Variants in FBF1 observed in about 807,000 individuals in gnomAD.
FBF1 encodes fas-binding factor 1.
A neutral mutation model predicts 147.2 loss-of-function variants in FBF1; 119 were observed. The observed-to-expected ratio is 0.81, with a 90% confidence interval of 0.70 to 0.94. FBF1 has a LOEUF of 0.94. Ranked by LOEUF, FBF1 falls within the 40% of genes least tolerant of loss-of-function variation. The pLI is 0.00. For synonymous variants in FBF1, 601 were observed against 609.0 expected (o/e 0.99, Z 0.19); for missense variants, 1,449 against 1,500.8 (o/e 0.97, Z 0.57).
chr17:75,939,084 T>C (rs1279870673), intron 1 of FBF1, among the ~76,000 whole-genome samples: 3 of 151,732 alleles, frequency 2.0e-5, no homozygotes, highest in Admixed American at 6.6e-5. Flanking sequence ...TCATTTGAGG[T>C]CAGGAGTTCA....
At chr17:75,930,196 C>T in intron 6 of FBF1, 149 bp from the exon 7 acceptor site, 2 of 620,270 alleles carry the variant, frequency 3.2e-6, no homozygotes, top group Admixed American at 5.5e-5. Flanking sequence ...AGGAGGGTGG[C>T]TTTGTTCCCC....
chr17:75,927,319 C>A, intron 9 of FBF1, 136 bp downstream of exon 9: 1 of 698,990 alleles, frequency 1.4e-6, no homozygotes, highest in South Asian at 1.9e-5. Flanking sequence ...CTGGTCCCGA[C>A]ATGAATTCAC....
rs369282113 is a variant in FBF1 at position 75,926,076 on chromosome 17, C to A, written c.822G>T (p.Gly274=). Reference sequence around the variant, plus strand: ...TGTCTAGCTTGAACTCCCTGTGCTCCCCGGTGCCCGGGCGGGCCAGGAGTT... The same window carrying A: ...TGTCTAGCTTGAACTCCCTGTGCTCACCGGTGCCCGGGCGGGCCAGGAGTT... ...ATKLLARPGT[G]EHREFKLDKK... The change falls in exon 12 of 30, where the codon GGG becomes GGT. Residue 274 remains glycine (G), a synonymous_variant. Transcript: ENST00000636174. 83 of 1,612,622 alleles carry A rather than the reference C, an allele frequency of 5.1e-5. No individual in the cohort carries two copies. The African/African-American group carries it at 7.3e-4, about 14-fold the overall frequency.
rs866702859 is a variant in FBF1, at chr17:75,922,697, A to G, written c.1424+489T>C. Among the ~76,000 whole-genome samples, 13 of 152,080 alleles carry G rather than the reference A, an allele frequency of 8.5e-5. No homozygotes were observed. The highest frequency in any genetic ancestry group is 2.7e-4 in the African/African-American group (11 of 41,466). On this transcript the variant is annotated intron_variant, in intron 14 of 29. Coordinates refer to ENST00000636174, the MANE Select transcript of FBF1 (RefSeq NM_001319193.2). The surrounding 1 kb of genome is among the most constrained non-coding windows in gnomAD (Gnocchi z 5.0). Reference sequence around the variant, plus strand: ...CAGAGGTCACTCGCTATCCTGCCCCACGGATAAGGGCTTCTCCAAGAGGCG... The same window carrying G: ...CAGAGGTCACTCGCTATCCTGCCCCGCGGATAAGGGCTTCTCCAAGAGGCG...
Position 75,918,416 on chromosome 17 carries a change from G to T in FBF1, c.2139-147C>A. On this transcript the variant is annotated intron_variant, in intron 20 of 29. Transcript: ENST00000636174. This position sits in a 1 kb window ranked among gnomAD's most constrained non-coding sequence, Gnocchi z 5.8. ...CTGCCTCAGTTTCCCCAGCTCCTCT[G>T]TCTTATCTGTCATGGTGCCTCAATG... is the stretch of plus-strand genomic sequence containing the variant. The T allele has an allele frequency of 1.6e-6, 1 of 622,498 alleles. No individual in the cohort carries two copies. 38.6% of individuals were successfully genotyped at this position (622,498 alleles called of 1,614,324 possible).
Position 75,922,097 on chromosome 17 carries a change from C to A in FBF1, c.1425-51G>T. 6.7e-7 allele frequency: 1 copy of A among 1,496,468 alleles called. No homozygotes were observed. Among genetic ancestry groups the A allele is most frequent in the Non-Finnish European group, 9.1e-7 (1 of 1,098,708 alleles). 92.7% of individuals were successfully genotyped at this position (1,496,468 alleles called of 1,614,324 possible). ...AAGGTGACAGAAGGCCCAGGTCAGGCTGGATGAAGACAGGGCCCAGGACGG... is the reference window on the plus strand; with the variant it reads ...AAGGTGACAGAAGGCCCAGGTCAGGATGGATGAAGACAGGGCCCAGGACGG... On this transcript the variant is annotated intron_variant, in intron 14 of 29. Transcript: ENST00000636174. The surrounding 1 kb of genome is among the most constrained non-coding windows in gnomAD (Gnocchi z 5.0).
rs202031341 is a variant in FBF1, at chr17:75,936,685, AC to A, written c.31+880del. ...GCAAGACTCCGTCTTAAAAAAAAAA[AC>A]AAAAAAACACAACTATCTGAAAGGA... On this transcript the variant is annotated intron_variant, in intron 3 of 29. Coordinates refer to ENST00000636174, the MANE Select transcript of FBF1 (RefSeq NM_001319193.2). 5.8e-3 allele frequency among the ~76,000 whole-genome samples: 878 copies of A among 152,136 alleles called. 11 individuals carry two copies. Among genetic ancestry groups the A allele is most frequent in the African/African-American group, 0.02 (820 of 41,490 alleles).
In FBF1 at chr17:75,918,330, T is replaced by C. The variant is rs2144161620; in HGVS notation, c.2139-61A>G. The C allele has an allele frequency of 3.5e-6, 5 of 1,417,574 alleles. No homozygotes were observed. Among genetic ancestry groups the C allele is most frequent in the Admixed American group, 2.0e-5 (1 of 50,978 alleles). The allele number at this position is 1,417,574 out of a possible 1,614,324, so 87.8% of individuals were successfully genotyped here. On this transcript the variant is annotated intron_variant, in intron 20 of 29. Transcript: ENST00000636174. This position sits in a 1 kb window ranked among gnomAD's most constrained non-coding sequence, Gnocchi z 5.8. ...AGCTGGATCACCCTGATGCGGTAAC[T>C]CCTTGTGGAAGGGTGTGTTTCCGTG...
chr17:75,919,885 A>C lies in FBF1; in HGVS notation c.1932-11T>G. On this transcript the variant is annotated splice_polypyrimidine_tract_variant and intron_variant, in intron 19 of 29. Coordinates refer to ENST00000636174, the MANE Select transcript of FBF1 (RefSeq NM_001319193.2). The surrounding 1 kb of genome is among the most constrained non-coding windows in gnomAD (Gnocchi z 5.0). ...ACCTTGATGCGGCTTCTGCCAACAG[A>C]ACACCCAGCCATGGCGCAAGGAAGG... 1.9e-6 allele frequency: 3 copies of C among 1,613,572 alleles called. No homozygotes were observed. Among genetic ancestry groups the C allele is most frequent in the Non-Finnish European group, 2.5e-6 (3 of 1,179,868 alleles).
In FBF1 at chr17:75,917,990, T is replaced by C; in HGVS notation, c.2327A>G (p.His776Arg). ...HELSSRVEAS[H>R]LTTSQERELG... Reference sequence around the variant, plus strand: ...CTCCCGCTCCTGGGAGGTGGTGAGGTGCGAGGCCTCCACGCGGGAGGACAA... The same window carrying C: ...CTCCCGCTCCTGGGAGGTGGTGAGGCGCGAGGCCTCCACGCGGGAGGACAA... The change falls in exon 22 of 30, where the codon CAC (histidine) becomes CGC (arginine). Residue 776 changes from histidine to arginine, a missense_variant. Physicochemically the swap from His to Arg is conservative, Grantham distance 29. Transcript: ENST00000636174. 1.2e-6 allele frequency: 2 copies of C among 1,611,520 alleles called. No homozygotes were observed. The highest frequency in any genetic ancestry group is 1.7e-6 in the Non-Finnish European group (2 of 1,178,676).
At chr17:75,938,797 C>T (rs989914580) in intron 1 of FBF1, among the ~76,000 whole-genome samples, 8 of 149,642 alleles carry the variant, frequency 5.3e-5, no homozygotes, top group African/African-American at 7.4e-5. Context: ...ACCCGCTAGA[C>T]GGAGGTTGCA....
intron 7 of FBF1, 34 bp downstream of exon 7, chr17:75,929,963 C>CCCCCCCCCCA: frequency 7.2e-7 from 1 of 1,393,458 alleles, no homozygotes; most frequent in Non-Finnish European, 9.9e-7. Flanking sequence ...CCACCCACCC[C>CCCCCCCCCCA]CAGTTCTAAG....
At chr17:75,937,879 C>T (rs900724199) in intron 2 of FBF1, 17 of 627,294 alleles carry the variant, frequency 2.7e-5, no homozygotes, top group Non-Finnish European at 3.1e-5. Context: ...GTCATGTGAC[C>T]GGAAATGTCT....
Position 75,915,155 on chromosome 17 carries a change from C to T in FBF1, c.2506-16G>A, listed in dbSNP as rs375700878. 1 of 1,604,616 alleles carries T rather than the reference C, an allele frequency of 6.2e-7. No homozygotes were observed. The highest frequency in any genetic ancestry group is 8.5e-7 in the Non-Finnish European group (1 of 1,178,464). On this transcript the variant is annotated splice_polypyrimidine_tract_variant and intron_variant, in intron 23 of 29. Transcript: ENST00000636174. ...GCCAGCGTTCCTGTAGGGCCCAGGG[C>T]AGGACTGAGAGCGTGGTTCCCGCCC...
rs762976258 is a variant in FBF1, at chr17:75,914,784, T to G, written c.2777A>C (p.Asp926Ala). The change falls in exon 25 of 30, where the codon GAC becomes GCC. Residue 926 changes from aspartate (D) to alanine (A), a missense_variant. By Grantham distance (126) the Asp-to-Ala change is moderately radical. Transcript: ENST00000636174. ...EREAERALQVDTQREGTLISL... is the reference protein window; with the variant it reads ...EREAERALQVATQREGTLISL... ...GATGAGGGTGCCCTCCCGCTGGGTG[T>G]CCACCTGCAATGCCCGCTCGGCCTC... 2 of 1,595,412 alleles carry G rather than the reference T, an allele frequency of 1.3e-6. No homozygotes were observed. The highest frequency in any genetic ancestry group is 1.7e-6 in the Non-Finnish European group (2 of 1,172,074).
rs1446500599 is a variant in FBF1 at position 75,922,144 on chromosome 17, G to GC, written c.1425-99dup. The GC allele has an allele frequency of 6.0e-6, 6 of 1,003,000 alleles. No individual in the cohort carries two copies. Among genetic ancestry groups the GC allele is most frequent in the East Asian group, 2.7e-5 (1 of 37,460 alleles). The allele number at this position is 1,003,000 out of a possible 1,614,324, so 62.1% of individuals were successfully genotyped here. A position where few individuals can be genotyped will look rare whatever the true frequency, so the allele number is the denominator to read the frequency against. On this transcript the variant is annotated intron_variant, in intron 14 of 29. Transcript: ENST00000636174. The surrounding 1 kb of genome is among the most constrained non-coding windows in gnomAD (Gnocchi z 5.0). ...ACGGGCTTCACACGTGAAGCTCGTG[G>GC]CCCCCCTTCCTCCTGCTTCCACCAT...
At position 75,919,959 on chromosome 17, in the gene FBF1, G is replaced by A; in HGVS notation, c.1931+48C>T. The A allele has an allele frequency of 6.2e-7, 1 of 1,609,744 alleles. No individual in the cohort carries two copies. Among genetic ancestry groups the A allele is most frequent in the Non-Finnish European group, 8.5e-7 (1 of 1,176,982 alleles). ...TCTCCAGGCACACTGGGTGGCCTTT[G>A]GGGTCAGTGTGAGATCCAAGGCAGA... On this transcript the variant is annotated intron_variant, in intron 19 of 29. Coordinates refer to ENST00000636174, the MANE Select transcript of FBF1 (RefSeq NM_001319193.2). The surrounding 1 kb of genome is among the most constrained non-coding windows in gnomAD (Gnocchi z 5.0).
At chr17:75,926,550 C>G in intron 10 of FBF1, 124 bp from the exon 11 acceptor site, 2 of 1,402,128 alleles carry the variant, frequency 1.4e-6, no homozygotes, top group Non-Finnish European at 1.9e-6. Flanking sequence ...CCTGCCTGGT[C>G]TGTCCACGGG....
chr17:75,925,395 G>A lies in FBF1; in HGVS notation c.920C>T (p.Pro307Leu), dbSNP rs766622049. The A allele has an allele frequency of 6.8e-6, 11 of 1,613,674 alleles. No individual in the cohort carries two copies. The highest frequency in any genetic ancestry group is 9.3e-6 in the Non-Finnish European group (11 of 1,179,830). ...DEDFTFGAYQ[P>L]TVVSSEGRQS... is the part of the protein sequence containing the mutation. ...CCGGCCCTCAGAGGAGACCACAGTG[G>A]GCTGATAGGCTCCAAAGGTGAAGTC... The change falls in exon 13 of 30, where the codon CCC becomes CTC. Residue 307 changes from proline to leucine, a missense_variant. Coordinates refer to ENST00000636174, the MANE Select transcript of FBF1 (RefSeq NM_001319193.2). The surrounding 1 kb of genome is among the most constrained non-coding windows in gnomAD (Gnocchi z 5.0).
Sources: gnomAD v4.1 joint callset for allele counts (sites outside exome capture counted in the v4.1 genomes callset) on GRCh38, gnomAD v4.1.1 for gene constraint, Gnocchi (gnomAD v3.1) non-coding constraint, MANE v1.5 for transcripts, NCBI Gene and HGNC (gene_info 2026-07-23, HGNC 2026-07-21) for gene names.